The following CHIC2 variants were observed in gnomAD, a reference collection of about 807,000 sequenced individuals.
CHIC2 encodes the protein cysteine rich hydrophobic domain 2.
A neutral mutation model predicts 25.9 loss-of-function variants in CHIC2; 14 were observed. The ratio of observed to expected loss-of-function variants is 0.54; its 90% CI spans 0.36 to 0.85. The LOEUF is 0.85. CHIC2 is among the 40% of genes least tolerant of loss of function. The pLI is 0.01. For missense variants in CHIC2, 146 were observed against 202.0 expected (o/e 0.72, Z 1.68); for synonymous variants, 70 against 72.0 (o/e 0.97, Z 0.14).
intron 3 of CHIC2, among the ~76,000 whole-genome samples, chr4:54,043,379 C>A (rs1445302108): frequency 6.7e-6 from 1 of 150,020 alleles, no homozygotes; most frequent in East Asian, 2.0e-4. Context: ...AGAGATCATG[C>A]CACTGCACTC....
upstream of CHIC2, chr4:54,064,644 G>C: frequency 4.7e-6 from 5 of 1,070,908 alleles, no homozygotes; most frequent in Non-Finnish European, 5.7e-6. The surrounding 1 kb of genome is among the most constrained non-coding windows in gnomAD (Gnocchi z 4.2). Flanking sequence ...GGAGCAGCCG[G>C]CTACGGCATC....
At chr4:54,055,918 C>T (rs780390442) in intron 1 of CHIC2, among the ~76,000 whole-genome samples, 3 of 152,054 alleles carry the variant, frequency 2.0e-5, no homozygotes, top group Non-Finnish European at 4.4e-5. Context: ...GAGTTGGAGA[C>T]GTATATTTGG....
At chr4:54,065,746 C>T (rs1717503895), upstream of CHIC2, among the ~76,000 whole-genome samples, 1 of 152,184 alleles carries the variant, frequency 6.6e-6, no homozygotes, top group Non-Finnish European at 1.5e-5. Context: ...TCAGGCTCTT[C>T]AAGTGCAGTG....
chr4:54,015,363 C>T (rs146043620), intron 3 of CHIC2, among the ~76,000 whole-genome samples: 1 of 151,968 alleles, frequency 6.6e-6, no homozygotes, highest in Non-Finnish European at 1.5e-5. Context: ...AAAAAAAGTG[C>T]CCTTGTTAAC....
At chr4:54,068,323 T>G (rs140983880), upstream of CHIC2, among the ~76,000 whole-genome samples, 451 of 152,202 alleles carry the variant, frequency 3.0e-3, 3 homozygotes, top group African/African-American at 0.01. Context: ...GGCTGAGCCC[T>G]CATGAATGGG....
chr4:54,010,312 G>T (rs912442590), intron 5 of CHIC2, among the ~76,000 whole-genome samples, 167 bp from the exon 6 acceptor site: 1 of 151,974 alleles, frequency 6.6e-6, no homozygotes, highest in Non-Finnish European at 1.5e-5. Context: ...CCATCACTGA[G>T]AATTTTTCTT....
At chr4:54,039,226 T>TA (rs1716491364) in intron 3 of CHIC2, among the ~76,000 whole-genome samples, 3 of 152,068 alleles carry the variant, frequency 2.0e-5, no homozygotes, top group Admixed American at 6.6e-5. Context: ...TATTTTTTTT[T>TA]AAAGCGATGA....
intron 3 of CHIC2, among the ~76,000 whole-genome samples, chr4:54,046,256 C>T (rs1716809025): frequency 6.6e-6 from 1 of 152,154 alleles, no homozygotes; most frequent in Admixed American, 6.5e-5. Context: ...ATGCCATCCC[C>T]ATCAAGCTAC....
intron 3 of CHIC2, among the ~76,000 whole-genome samples, chr4:54,031,711 C>T (rs1179485062): frequency 6.6e-6 from 1 of 150,434 alleles, no homozygotes; most frequent in African/African-American, 2.5e-5. Flanking sequence ...CCTCCACCTC[C>T]TGGGTTCAAG....
At chr4:54,085,343 A>G in the CHIC2 span, among the ~76,000 whole-genome samples, 1 of 152,204 alleles carries the variant, frequency 6.6e-6, no homozygotes, top group Admixed American at 6.5e-5. Flanking sequence ...TCGTAGGGGG[A>G]TGCCAATTAT....
chr4:54,074,953 A>G, the CHIC2 span, among the ~76,000 whole-genome samples: 1 of 152,086 alleles, frequency 6.6e-6, no homozygotes, highest in Non-Finnish European at 1.5e-5. Flanking sequence ...ACAAAAATAC[A>G]TTTTTAAATT....
At chr4:54,047,462 T>A (rs1246483170) in intron 3 of CHIC2, among the ~76,000 whole-genome samples, 3 of 151,988 alleles carry the variant, frequency 2.0e-5, no homozygotes, top group Non-Finnish European at 4.4e-5. Context: ...TGGAATACTA[T>A]GCAGCCATAA....
chr4:54,024,842 A>G (rs1716010216), intron 3 of CHIC2, among the ~76,000 whole-genome samples: 1 of 152,096 alleles, frequency 6.6e-6, no homozygotes, highest in Non-Finnish European at 1.5e-5. Flanking sequence ...TAGTTTCTCA[A>G]TTCATACAAA....
the CHIC2 span, among the ~76,000 whole-genome samples, chr4:54,080,757 A>G: frequency 7.4e-6 from 1 of 135,358 alleles, no homozygotes; most frequent in African/African-American, 2.7e-5. Flanking sequence ...CTCTGTCTCA[A>G]AAAAAAAAAA....
intron 3 of CHIC2, 32 bp downstream of exon 3, chr4:54,048,922 TA>T: frequency 1.4e-6 from 2 of 1,478,782 alleles, no homozygotes; most frequent in Non-Finnish European, 1.8e-6. Flanking sequence ...TGTCCACTTC[TA>T]AATTTAAATT....
intron 1 of CHIC2, among the ~76,000 whole-genome samples, chr4:54,056,234 T>A (rs1325753657): frequency 1.3e-5 from 2 of 152,164 alleles, no homozygotes; most frequent in Non-Finnish European, 2.9e-5. Context: ...ATGCACAGTA[T>A]AACTAACTTC....
the CHIC2 span, among the ~76,000 whole-genome samples, chr4:54,078,114 A>G: frequency 6.6e-6 from 1 of 152,236 alleles, no homozygotes; most frequent in South Asian, 2.1e-4. Context: ...GGATTCTATA[A>G]TTAGTGCTTA....
chr4:54,035,942 A>G (rs1716369979), intron 3 of CHIC2, among the ~76,000 whole-genome samples: 1 of 151,920 alleles, frequency 6.6e-6, no homozygotes, highest in Admixed American at 6.5e-5. Context: ...TTCCCTTTTG[A>G]TTTCTTTGAC....
chr4:54,038,799 A>C (rs1438883794), intron 3 of CHIC2, among the ~76,000 whole-genome samples: 1 of 152,142 alleles, frequency 6.6e-6, no homozygotes, highest in Non-Finnish European at 1.5e-5. Flanking sequence ...AGATGAGAGA[A>C]TCGCTTGAGC....
Sources: gnomAD v4.1 joint callset for allele counts (sites outside exome capture counted in the v4.1 genomes callset) on GRCh38, gnomAD v4.1.1 for gene constraint, Gnocchi (gnomAD v3.1) non-coding constraint, MANE v1.5 for transcripts, NCBI Gene and HGNC (gene_info 2026-07-23, HGNC 2026-07-21) for gene names.